Variants in HMGCLL1 observed in about 807,000 individuals in gnomAD.
The protein encoded by HMGCLL1 is 3-hydroxy-3-methylglutaryl-CoA lyase like 1, also known as 3-hydroxymethyl-3-methylglutaryl-CoA lyase, cytoplasmic.
In HMGCLL1, 36 loss-of-function variants were observed where a neutral mutation model predicts 39.1. The ratio of observed to expected loss-of-function variants is 0.92; its 90% CI spans 0.71 to 1.22. HMGCLL1 has a LOEUF of 1.22. HMGCLL1 is among the 50% of genes most tolerant of loss of function. The probability of loss-of-function intolerance (pLI) is 0.00; values close to 1 mark genes in which losing one functional copy is unlikely to be tolerated. For missense variants in HMGCLL1, 451 were observed against 416.5 expected, an observed-to-expected ratio of 1.08 and a Z score of -0.72; for synonymous variants, 149 against 144.0, an observed-to-expected ratio of 1.03 and a Z score of -0.25.
At chr6:55,487,484 C>A (rs1278986984) in intron 7 of HMGCLL1, among the ~76,000 whole-genome samples, 1 of 151,788 alleles carries the variant, frequency 6.6e-6, no homozygotes, top group Admixed American at 6.6e-5. Context: ...GTGTGATGTT[C>A]CCCTTCCTGT....
chr6:55,596,318 AC>A, the HMGCLL1 span, among the ~76,000 whole-genome samples: 1 of 152,130 alleles, frequency 6.6e-6, no homozygotes, highest in East Asian at 1.9e-4. Context: ...CAGCAGTGAA[AC>A]CCTGTCTCAA....
chr6:55,576,944 A>C (rs1243422013), intron 1 of HMGCLL1: 3 of 1,223,452 alleles, frequency 2.5e-6, no homozygotes, highest in Non-Finnish European at 3.4e-6. Flanking sequence ...CTGGACTGGA[A>C]TTCAAGAGAA....
intron 7 of HMGCLL1, among the ~76,000 whole-genome samples, chr6:55,441,311 G>A (rs984609793): frequency 1.3e-5 from 2 of 152,088 alleles, no homozygotes; most frequent in Non-Finnish European, 2.9e-5. Flanking sequence ...TCGGGCATTT[G>A]GATATTGACT....
intron 7 of HMGCLL1, among the ~76,000 whole-genome samples, chr6:55,471,747 A>G (rs1334175856): frequency 1.3e-5 from 2 of 151,584 alleles, no homozygotes; most frequent in Admixed American, 1.3e-4. Flanking sequence ...TCATAAGTAT[A>G]CAGATCAATA....
chr6:55,510,685 A>G (rs999938364), intron 5 of HMGCLL1, among the ~76,000 whole-genome samples: 1 of 150,106 alleles, frequency 6.7e-6, no homozygotes, highest in African/African-American at 2.4e-5. Context: ...AGATATACCT[A>G]ATGCTAAATG....
chr6:55,675,638 G>A, the HMGCLL1 span, among the ~76,000 whole-genome samples: 1 of 152,120 alleles, frequency 6.6e-6, no homozygotes, highest in Admixed American at 6.6e-5. Context: ...AGTGAATTTA[G>A]TCTGGAAACA....
chr6:55,631,170 C>A, the HMGCLL1 span, among the ~76,000 whole-genome samples: 1 of 152,022 alleles, frequency 6.6e-6, no homozygotes, highest in African/African-American at 2.4e-5. Context: ...GGAAAGTTCT[C>A]GGTTATTATG....
At chr6:55,628,154 A>AATATATATATAGT in the HMGCLL1 span, among the ~76,000 whole-genome samples, 1 of 6,616 alleles carries the variant, frequency 1.5e-4, no homozygotes, top group Non-Finnish European at 2.8e-4. Flanking sequence ...CTATATATAT[A>AATATATATATAGT]ATATATATAT....
At chr6:55,554,874 C>T (rs1275444191) in intron 1 of HMGCLL1, among the ~76,000 whole-genome samples, 1 of 152,148 alleles carries the variant, frequency 6.6e-6, no homozygotes, top group Non-Finnish European at 1.5e-5. Context: ...CTTCTCATAC[C>T]CTATATCAGA....
intron 7 of HMGCLL1, among the ~76,000 whole-genome samples, chr6:55,463,507 A>G (rs1334828341): frequency 1.3e-5 from 2 of 152,210 alleles, no homozygotes; most frequent in Non-Finnish European, 2.9e-5. Flanking sequence ...AATATTCCAG[A>G]AAAGTTATTC....
At chr6:55,474,551 C>T (rs1765201873) in intron 7 of HMGCLL1, among the ~76,000 whole-genome samples, 1 of 151,540 alleles carries the variant, frequency 6.6e-6, no homozygotes, top group Non-Finnish European at 1.5e-5. Flanking sequence ...CAATAAATCC[C>T]TTCACATATT....
chr6:55,577,096 C>T lies in HMGCLL1; in HGVS notation c.108+1852G>A, dbSNP rs776475553. ...TATTTACCCAGTGGATACAAGCCAC[C>T]GTGCCTGCCAAGGAGACTGAGAAGC... is the stretch of plus-strand genomic sequence containing the variant. On this transcript the variant is annotated intron_variant, in intron 1 of 8. Transcript: ENST00000274901. 9 of 1,613,212 alleles carry T rather than the reference C, an allele frequency of 5.6e-6. No individual in the cohort carries two copies. The Admixed American group carries it at 1.0e-4, about 18-fold the overall frequency.
At chr6:55,562,911 A>G (rs10807496) in intron 1 of HMGCLL1, among the ~76,000 whole-genome samples, 65,106 of 151,548 alleles carry the variant, frequency 0.43, 14,070 homozygotes, top group East Asian at 0.55. Flanking sequence ...ACTTCCCCTT[A>G]AGAGCTCTAA....
upstream of HMGCLL1, among the ~76,000 whole-genome samples, chr6:55,583,330 T>G (rs757733270): frequency 8.5e-5 from 13 of 152,058 alleles, no homozygotes; most frequent in Non-Finnish European, 1.3e-4. Flanking sequence ...TATCTCCTAA[T>G]GCTATCCCTC....
chr6:55,665,021 T>C, the HMGCLL1 span, among the ~76,000 whole-genome samples: 4 of 151,792 alleles, frequency 2.6e-5, no homozygotes, highest in Admixed American at 1.3e-4. Flanking sequence ...TTCTACCCTG[T>C]ACAATTTATT....
At chr6:55,469,590 T>C (rs773238360) in intron 7 of HMGCLL1, among the ~76,000 whole-genome samples, 1 of 151,076 alleles carries the variant, frequency 6.6e-6, no homozygotes, top group African/African-American at 2.4e-5. Context: ...TGAGCAAGGA[T>C]GAGAGTTAGC....
intron 7 of HMGCLL1, among the ~76,000 whole-genome samples, chr6:55,458,901 C>G (rs1277938274): frequency 6.6e-6 from 1 of 152,078 alleles, no homozygotes; most frequent in Non-Finnish European, 1.5e-5. Context: ...TGATACGAAG[C>G]CATTAACAAA....
At chr6:55,536,224 A>T (rs994314914) in intron 3 of HMGCLL1, among the ~76,000 whole-genome samples, 5 of 152,172 alleles carry the variant, frequency 3.3e-5, no homozygotes, top group East Asian at 1.9e-4. Context: ...TACTTTTATT[A>T]AAAAAATCTA....
At chr6:55,571,591 G>GTCAGGAGA (rs1463268798) in intron 1 of HMGCLL1, among the ~76,000 whole-genome samples, 3 of 151,942 alleles carry the variant, frequency 2.0e-5, no homozygotes, top group Non-Finnish European at 4.4e-5. Context: ...AGATCACGAG[G>GTCAGGAGA]TCAGGAGATC....
Sources: gnomAD v4.1 joint callset for allele counts (sites outside exome capture counted in the v4.1 genomes callset) on GRCh38, gnomAD v4.1.1 for gene constraint, MANE v1.5 for transcripts, NCBI Gene and HGNC (gene_info 2026-07-23, HGNC 2026-07-21) for gene names.